MACROD2: variants seen among roughly 807,000 people sequenced by gnomAD.
MACROD2 encodes the protein ADP-ribose glycohydrolase MACROD2.
In MACROD2, 36 loss-of-function variants were observed where a neutral mutation model predicts 70.4. The observed-to-expected ratio is 0.51, with a 90% CI of 0.39 to 0.68. MACROD2 has a LOEUF of 0.68. Among genes scored for constraint, MACROD2 ranks in the 30% least tolerant of loss-of-function variants. The pLI is 0.00. For synonymous variants in MACROD2, 172 were observed against 178.8 expected (o/e 0.96, Z 0.30); for missense variants, 496 against 538.4 (o/e 0.92, Z 0.78).
chr20:14,314,031 T>A (rs939602838), intron 3 of MACROD2, among the ~76,000 whole-genome samples: 2 of 152,162 alleles, frequency 1.3e-5, no homozygotes, highest in Admixed American at 6.5e-5. Context: ...CACTGATACA[T>A]TTTAGTAACT....
At chr20:15,964,801 A>G (rs762971643) in intron 12 of MACROD2, among the ~76,000 whole-genome samples, 1 of 152,166 alleles carries the variant, frequency 6.6e-6, no homozygotes, top group Non-Finnish European at 1.5e-5. Flanking sequence ...TAATAAAGTA[A>G]CTTTCGTGGA....
At chr20:15,422,273 A>C (rs529855632) in intron 6 of MACROD2, among the ~76,000 whole-genome samples, 4 of 152,082 alleles carry the variant, frequency 2.6e-5, no homozygotes, top group African/African-American at 9.7e-5. Flanking sequence ...TTCTCACTCT[A>C]CTCTTGGCAG....
intron 6 of MACROD2, among the ~76,000 whole-genome samples, chr20:15,417,260 A>G (rs372412231): frequency 5.5e-4 from 84 of 152,130 alleles, no homozygotes; most frequent in African/African-American, 1.9e-3. Context: ...AAGGGAAAAA[A>G]GCTTTGATTA....
intron 15 of MACROD2, among the ~76,000 whole-genome samples, chr20:16,033,840 C>A (rs750320182): frequency 1.3e-5 from 2 of 149,080 alleles, no homozygotes; most frequent in Admixed American, 1.4e-4. Context: ...AGGTTCAGAA[C>A]CTATCACAGT....
intron 15 of MACROD2, among the ~76,000 whole-genome samples, chr20:16,027,382 T>C (rs896513123): frequency 7.2e-5 from 11 of 152,224 alleles, no homozygotes; most frequent in African/African-American, 2.7e-4. Flanking sequence ...TTTAGGAAAA[T>C]GTGACCTACA....
At chr20:15,991,328 A>G (rs771661482) in intron 15 of MACROD2, among the ~76,000 whole-genome samples, 9 of 152,168 alleles carry the variant, frequency 5.9e-5, no homozygotes, top group Non-Finnish European at 8.8e-5. Context: ...AATCAAATCC[A>G]TTAGAGGTTT....
chr20:14,757,700 G>C (rs532575923), intron 5 of MACROD2: 1 of 1,466,628 alleles, frequency 6.8e-7, no homozygotes, highest in African/African-American at 1.4e-5. Flanking sequence ...TGTCATAAAG[G>C]CCATGCAGTC....
intron 4 of MACROD2, among the ~76,000 whole-genome samples, chr20:14,629,481 T>A (rs867255428): frequency 3.3e-5 from 5 of 152,336 alleles, no homozygotes; most frequent in Middle Eastern, 3.4e-3. Context: ...TGAGACAATT[T>A]CATGAATTGC....
Position 15,027,732 on chromosome 20 carries a change from A to G in MACROD2, c.419-202208A>G, listed in dbSNP as rs185620333. Among the ~76,000 whole-genome samples the G allele has an allele frequency of 2.2e-3, 332 of 151,996 alleles. 2 individuals carry two copies. The highest frequency in any genetic ancestry group is 7.9e-3 in the African/African-American group (326 of 41,426). On this transcript the variant is annotated intron_variant, in intron 5 of 17. Coordinates refer to ENST00000684519, the MANE Select transcript of MACROD2 (RefSeq NM_001351661.2). Reference sequence around the variant, plus strand: ...TAAAAAAAAAAAAAAAAATGAAAAAAAATTTCTTATGAGAGTGAATGTTCT... The same window carrying G: ...TAAAAAAAAAAAAAAAAATGAAAAAGAATTTCTTATGAGAGTGAATGTTCT...
At chr20:15,376,160 C>T (rs1222437566) in intron 6 of MACROD2, among the ~76,000 whole-genome samples, 3 of 152,132 alleles carry the variant, frequency 2.0e-5, no homozygotes, top group Non-Finnish European at 4.4e-5. Context: ...ATACTTGCTT[C>T]AGTATTCTCC....
intron 6 of MACROD2, among the ~76,000 whole-genome samples, chr20:15,231,670 A>T (rs1047499665): frequency 1.3e-5 from 2 of 152,080 alleles, no homozygotes; most frequent in Admixed American, 1.3e-4. Context: ...TAATTATCTT[A>T]AAACAATCGT....
chr20:14,353,130 TA>T (rs750156170), intron 3 of MACROD2, among the ~76,000 whole-genome samples: 1 of 152,150 alleles, frequency 6.6e-6, no homozygotes. Flanking sequence ...AAAGTCCAAA[TA>T]GGGGGTCTAG....
intron 5 of MACROD2, among the ~76,000 whole-genome samples, chr20:15,054,169 A>G (rs1179346733): frequency 1.3e-5 from 2 of 152,214 alleles, no homozygotes; most frequent in Non-Finnish European, 2.9e-5. Context: ...AATAACAACA[A>G]AGGATTTAGA....
rs553250187 is a variant in MACROD2 at position 14,807,845 on chromosome 20, G to C, written c.418+122886G>C. 9.2e-5 allele frequency among the ~76,000 whole-genome samples: 14 copies of C among 152,184 alleles called. No homozygotes were observed. The South Asian group carries it at 2.7e-3, about 29-fold the overall frequency. ...ATAAAGCAGAAGAAAGGATATCAGA[G>C]ATTGAAGATCAACTTAATGAAATAA... On this transcript the variant is annotated intron_variant, in intron 5 of 17. Coordinates refer to ENST00000684519, the MANE Select transcript of MACROD2 (RefSeq NM_001351661.2).
At chr20:15,807,127 AC>A (rs2063776383) in intron 8 of MACROD2, among the ~76,000 whole-genome samples, 1 of 152,212 alleles carries the variant, frequency 6.6e-6, no homozygotes, top group South Asian at 2.1e-4. Flanking sequence ...AATTATGTTC[AC>A]CTTGATAAGG....
At chr20:14,399,953 A>G (rs2083620067) in intron 3 of MACROD2, among the ~76,000 whole-genome samples, 1 of 152,092 alleles carries the variant, frequency 6.6e-6, no homozygotes, top group Admixed American at 6.5e-5. Flanking sequence ...AACATGCTTA[A>G]TCTTTCTTCT....
intron 4 of MACROD2, among the ~76,000 whole-genome samples, chr20:14,511,214 T>G (rs537898534): frequency 1.2e-4 from 19 of 152,180 alleles, no homozygotes; most frequent in Non-Finnish European, 2.5e-4. Context: ...TAGGGTTATT[T>G]TTTTGAGTAA....
In MACROD2 at chr20:15,310,171, G is replaced by T. The variant is rs1281751732; in HGVS notation, c.540+80110G>T. Among the ~76,000 whole-genome samples, 3 of 152,164 alleles carry T rather than the reference G, an allele frequency of 2.0e-5. No individual in the cohort carries two copies. In the South Asian group the frequency reaches 6.2e-4, roughly 32 times the overall value. On this transcript the variant is annotated intron_variant, in intron 6 of 17. Transcript: ENST00000684519. Reference sequence around the variant, plus strand: ...GATTCAATGGGAATATTTATAAGGTGCCTGGCAGAAAGCCTGGGAAAGAGT... The same window carrying T: ...GATTCAATGGGAATATTTATAAGGTTCCTGGCAGAAAGCCTGGGAAAGAGT...
intron 10 of MACROD2, among the ~76,000 whole-genome samples, chr20:15,906,862 A>AT (rs2065155509): frequency 6.6e-6 from 1 of 152,188 alleles, no homozygotes; most frequent in South Asian, 2.1e-4. Flanking sequence ...TGAAGGGCCC[A>AT]TTATCTCAAT....
Sources: allele counts gnomAD v4.1 joint callset (sites outside exome capture counted in the v4.1 genomes callset), GRCh38; gene constraint gnomAD v4.1.1; transcripts MANE v1.5; gene names NCBI Gene and HGNC (gene_info 2026-07-23, HGNC 2026-07-21).